Variants in ABCA1 observed in about 807,000 individuals in gnomAD.
The protein encoded by ABCA1 is ATP binding cassette subfamily A member 1.
In ABCA1, 133 loss-of-function variants were observed where a neutral mutation model predicts 262.5. The observed-to-expected ratio is 0.51, with a 90% confidence interval of 0.44 to 0.59. The LOEUF (loss-of-function observed/expected upper bound fraction) is 0.59. Among genes scored for constraint, ABCA1 ranks in the 20% least tolerant of loss-of-function variants. The probability of loss-of-function intolerance (pLI) is 0.00; values close to 1 mark genes in which losing one functional copy is unlikely to be tolerated. For synonymous variants in ABCA1, 1,022 were observed against 1,043.5 expected (o/e 0.98, Z 0.40); for missense variants, 2,452 against 2,777.5 (o/e 0.88, Z 2.63).
At chr9:104,854,742 T>C (rs191687540) in intron 7 of ABCA1, among the ~76,000 whole-genome samples, 365 of 152,326 alleles carry the variant, frequency 2.4e-3, no homozygotes, top group Non-Finnish European at 3.1e-3. Flanking sequence ...TCCTAGAAGT[T>C]GTTAACTCAA....
intron 10 of ABCA1, 136 bp from the exon 11 acceptor site, chr9:104,837,232 CT>C (rs1327682571): frequency 1.9e-6 from 2 of 1,049,540 alleles, no homozygotes; most frequent in African/African-American, 3.2e-5. Flanking sequence ...GAAATGCCTG[CT>C]TGTAACTATG....
chr9:104,795,550 C>T (rs1829822939), intron 39 of ABCA1, among the ~76,000 whole-genome samples: 1 of 152,148 alleles, frequency 6.6e-6, no homozygotes, highest in African/African-American at 2.4e-5. Flanking sequence ...GCAAGAAAAG[C>T]ATTAAGTTCC....
chr9:104,803,240 C>T, intron 33 of ABCA1, 44 bp downstream of exon 33: 1 of 1,606,530 alleles, frequency 6.2e-7, no homozygotes, highest in Non-Finnish European at 8.5e-7. Flanking sequence ...CCTACAACAC[C>T]ATCCTCCCCC....
At position 104,855,100 on chromosome 9, in the gene ABCA1, A is replaced by G. The variant is rs943626056; in HGVS notation, c.720+3422T>C. On this transcript the variant is annotated intron_variant, in intron 7 of 49. Transcript: ENST00000374736. ...GAATCTTTGGGTGAAAAGTCTTGAC[A>G]ATATCTGAGCAAGAATGCAGTTTTT... 1.3e-5 allele frequency: 12 copies of G among 959,110 alleles called. No individual in the cohort carries two copies. The African/African-American group carries it at 2.1e-4, about 17-fold the overall frequency. 59.4% of individuals were successfully genotyped at this position (959,110 alleles called of 1,614,324 possible).
intron 2 of ABCA1, among the ~76,000 whole-genome samples, chr9:104,896,643 T>TCAGCAC (rs1440330455): frequency 1.4e-5 from 2 of 143,590 alleles, no homozygotes; most frequent in Non-Finnish European, 3.0e-5. Flanking sequence ...CTGGGCTCTA[T>TCAGCAC]CAGCACCAAA....
At chr9:104,885,150 C>A (rs568176908) in intron 3 of ABCA1, among the ~76,000 whole-genome samples, 1 of 152,268 alleles carries the variant, frequency 6.6e-6, no homozygotes, top group Admixed American at 6.5e-5. Flanking sequence ...GCAGGAGAAT[C>A]GCTTGAACTC....
intron 36 of ABCA1, 152 bp downstream of exon 36, chr9:104,799,667 T>C: frequency 1.3e-6 from 2 of 1,516,274 alleles, no homozygotes; most frequent in South Asian, 1.3e-5. Context: ...CGTAAACTTA[T>C]CACTTCTGCC....
chr9:104,822,353 G>T, intron 19 of ABCA1, 143 bp downstream of exon 19: 1 of 1,111,652 alleles, frequency 9.0e-7, no homozygotes, highest in Non-Finnish European at 1.3e-6. Flanking sequence ...CTCATGATTA[G>T]ATAACATGTT....
intron 39 of ABCA1, among the ~76,000 whole-genome samples, chr9:104,794,747 G>A (rs1829743817): frequency 1.3e-5 from 2 of 152,156 alleles, no homozygotes; most frequent in Non-Finnish European, 2.9e-5. Context: ...GAAATGCTCT[G>A]AGTATGGAGA....
intron 4 of ABCA1, 139 bp from the exon 5 acceptor site, chr9:104,883,296 G>A (rs1838852356): frequency 2.7e-6 from 2 of 746,574 alleles, no homozygotes; most frequent in African/African-American, 3.4e-5. Context: ...CACTCCCATG[G>A]CTCCCCACAC....
At chr9:104,910,098 A>G (rs925278137) in intron 1 of ABCA1, among the ~76,000 whole-genome samples, 1 of 152,210 alleles carries the variant, frequency 6.6e-6, no homozygotes, top group African/African-American at 2.4e-5. Context: ...GGTGACAGTC[A>G]GCCCTCATGC....
chr9:104,797,636 C>CTAAG (rs1419483124), intron 37 of ABCA1, among the ~76,000 whole-genome samples: 2 of 152,206 alleles, frequency 1.3e-5, no homozygotes, highest in African/African-American at 4.8e-5. Flanking sequence ...GTGACACAGT[C>CTAAG]TAAGGGGCTT....
intron 1 of ABCA1, among the ~76,000 whole-genome samples, chr9:104,921,560 A>T (rs73506160): frequency 0.14 from 21,952 of 152,178 alleles, 2,391 homozygotes; most frequent in African/African-American, 0.31. Context: ...ACAAAAAGTA[A>T]CCTGGCCTAA....
intron 1 of ABCA1, among the ~76,000 whole-genome samples, chr9:104,919,617 A>AT (rs1842031796): frequency 6.6e-6 from 1 of 152,018 alleles, no homozygotes; most frequent in Non-Finnish European, 1.5e-5. Context: ...ATCTCAAAAA[A>AT]AAAAGCAAAA....
chr9:104,825,086 A>G (rs1832706957), intron 17 of ABCA1, among the ~76,000 whole-genome samples: 1 of 152,248 alleles, frequency 6.6e-6, no homozygotes, highest in African/African-American at 2.4e-5. Flanking sequence ...TATTATATTA[A>G]GAAAGAAGTA....
chr9:104,807,830 T>TAA lies in ABCA1; in HGVS notation c.4275-1402_4275-1401dup, dbSNP rs1253549199. On this transcript the variant is annotated intron_variant, in intron 30 of 49. Transcript: ENST00000374736. ...TCCATCTCAAAAAAAAATAAATAAA[T>TAA]AAAATATATATATATACACACACAC... is the stretch of plus-strand genomic sequence containing the variant. Among the ~76,000 whole-genome samples, 78 of 106,994 alleles carry TAA rather than the reference T, an allele frequency of 7.3e-4. 1 individual carries two copies. The highest frequency in any genetic ancestry group is 1.6e-3 in the East Asian group (6 of 3,760). 70.2% of individuals were successfully genotyped at this position (106,994 alleles called of 152,430 possible).
chr9:104,868,888 G>A (rs998211416), intron 5 of ABCA1, among the ~76,000 whole-genome samples: 8 of 152,148 alleles, frequency 5.3e-5, no homozygotes, highest in South Asian at 4.1e-4. Flanking sequence ...ACGTGCAGGC[G>A]GAGGGGTATG....
At chr9:104,813,822 C>G (rs1831490389) in intron 27 of ABCA1, among the ~76,000 whole-genome samples, 1 of 152,210 alleles carries the variant, frequency 6.6e-6, no homozygotes, top group Admixed American at 6.5e-5. Context: ...CAATTAAACA[C>G]CTAATGTATA....
At chr9:104,881,317 T>C (rs1386869963) in intron 5 of ABCA1, among the ~76,000 whole-genome samples, 2 of 152,222 alleles carry the variant, frequency 1.3e-5, no homozygotes, top group Non-Finnish European at 2.9e-5. Flanking sequence ...AATGCATCAC[T>C]GTCTTAGAAA....
Sources: allele counts gnomAD v4.1 joint callset (sites outside exome capture counted in the v4.1 genomes callset), GRCh38; gene constraint gnomAD v4.1.1; transcripts MANE v1.5; gene names NCBI Gene and HGNC (gene_info 2026-07-23, HGNC 2026-07-21).